AGFG1: variants seen among roughly 807,000 people sequenced by gnomAD.
AGFG1 encodes arf-GAP domain and FG repeat-containing protein 1.
A neutral mutation model predicts 60.6 loss-of-function variants in AGFG1; 10 were observed. The observed-to-expected ratio is 0.16, with a 90% CI of 0.10 to 0.28. The LOEUF (loss-of-function observed/expected upper bound fraction) is 0.28, where lower values mean the gene tolerates loss of function less well. Ranked by LOEUF, AGFG1 falls within the 10% of genes least tolerant of loss-of-function variation. AGFG1 has a pLI of 1.00. For synonymous variants in AGFG1, 247 were observed against 242.9 expected, an observed-to-expected ratio of 1.02 and a Z score of -0.16; for missense variants, 537 against 676.5, an observed-to-expected ratio of 0.79 and a Z score of 2.29.
intron 6 of AGFG1, among the ~76,000 whole-genome samples, chr2:227,533,113 C>T (rs183599704): frequency 1.5e-3 from 221 of 152,248 alleles, no homozygotes; most frequent in East Asian, 1.5e-3. Flanking sequence ...CATTGTTAAT[C>T]GCTACCCCTG....
chr2:227,517,315 G>A (rs1389540231), intron 2 of AGFG1, among the ~76,000 whole-genome samples: 2 of 152,206 alleles, frequency 1.3e-5, no homozygotes, highest in East Asian at 3.9e-4. Flanking sequence ...CATCAGGCTG[G>A]AGTGCAGTGG....
At chr2:227,528,169 A>G (rs190349215) in intron 5 of AGFG1, among the ~76,000 whole-genome samples, 1 of 152,342 alleles carries the variant, frequency 6.6e-6, no homozygotes, top group East Asian at 1.9e-4. Flanking sequence ...TGTTTTAAAT[A>G]TTAATAAAAA....
intron 2 of AGFG1, among the ~76,000 whole-genome samples, chr2:227,510,261 CAT>C (rs1241074812): frequency 1.3e-5 from 2 of 152,102 alleles, no homozygotes; most frequent in African/African-American, 4.8e-5. Context: ...CACACACACA[CAT>C]GCACACGCAC....
intron 10 of AGFG1, among the ~76,000 whole-genome samples, chr2:227,539,506 G>A (rs577990468): frequency 6.6e-6 from 1 of 150,714 alleles, no homozygotes; most frequent in Admixed American, 6.6e-5. Context: ...TTTGATCCTA[G>A]CACTTTGGGA....
Position 227,472,489 on chromosome 2 carries a change from T to G in AGFG1, c.68T>G (p.Leu23Arg). The change falls in exon 1 of 13, where the codon CTC (leucine) becomes CGC (arginine). Residue 23 changes from leucine (L) to arginine (R), a missense_variant. By Grantham distance (102) the Leu-to-Arg change is moderately radical. Coordinates refer to ENST00000310078, the MANE Select transcript of AGFG1 (RefSeq NM_004504.5). ...AAGATGCTGCGGGACATGACCGGCC[T>G]CCCGCACAACCGAAAGTGCTTCGAC... ...HLKMLRDMTG[L>R]PHNRKCFDCD... The G allele has an allele frequency of 6.3e-7, 1 of 1,580,178 alleles. No homozygotes were observed. The highest frequency in any genetic ancestry group is 8.6e-7 in the Non-Finnish European group (1 of 1,163,582).
At chr2:227,477,311 A>G (rs1454565099) in intron 1 of AGFG1, among the ~76,000 whole-genome samples, 1 of 152,232 alleles carries the variant, frequency 6.6e-6, no homozygotes, top group African/African-American at 2.4e-5. Flanking sequence ...TATTTATTGA[A>G]AAAAAAGAAA....
intron 10 of AGFG1, among the ~76,000 whole-genome samples, chr2:227,546,755 A>G (rs1047765873): frequency 2.6e-5 from 4 of 152,182 alleles, no homozygotes; most frequent in African/African-American, 9.7e-5. Context: ...CCTTAAATCT[A>G]ATTAATAGAG....
chr2:227,494,693 A>G (rs913588605), intron 2 of AGFG1, among the ~76,000 whole-genome samples: 2 of 152,224 alleles, frequency 1.3e-5, no homozygotes, highest in African/African-American at 4.8e-5. Flanking sequence ...ATGTTCCTCC[A>G]GACATTTATA....
chr2:227,488,535 T>A (rs1039968863), intron 1 of AGFG1, among the ~76,000 whole-genome samples: 3 of 152,150 alleles, frequency 2.0e-5, no homozygotes, highest in African/African-American at 7.2e-5. Context: ...GGTGGAAAGG[T>A]TAAGGCTTGT....
At chr2:227,472,661 C>T in intron 1 of AGFG1, 73 bp downstream of exon 1, 3 of 1,469,896 alleles carry the variant, frequency 2.0e-6, no homozygotes, top group South Asian at 1.3e-5. Flanking sequence ...GGACCGGGAC[C>T]CTTCCGGGGC....
rs148552132 is a variant in AGFG1 at position 227,521,129 on chromosome 2, G to A, written c.377+1066G>A. ...CACCTAGGCTGGAGTGCAATGGTGCGATCTCGGCTCACTGCAACCCCCGCC... is the reference window on the plus strand; with the variant it reads ...CACCTAGGCTGGAGTGCAATGGTGCAATCTCGGCTCACTGCAACCCCCGCC... On this transcript the variant is annotated intron_variant, in intron 3 of 12. Transcript: ENST00000310078. Among the ~76,000 whole-genome samples, 521 of 151,952 alleles carry A rather than the reference G, an allele frequency of 3.4e-3. 3 individuals carry two copies. Among genetic ancestry groups the A allele is most frequent in the African/African-American group, 0.012 (492 of 41,416 alleles).
chr2:227,484,326 T>C (rs899013485), intron 1 of AGFG1, among the ~76,000 whole-genome samples: 2 of 151,908 alleles, frequency 1.3e-5, no homozygotes, highest in African/African-American at 4.8e-5. Flanking sequence ...GTAGCTGGGA[T>C]TGAGGACTGC....
chr2:227,525,003 A>G, intron 5 of AGFG1, 88 bp downstream of exon 5: 1 of 1,486,106 alleles, frequency 6.7e-7, no homozygotes, highest in Non-Finnish European at 9.3e-7. Flanking sequence ...GAGGATCAGT[A>G]AACATTTTTT....
chr2:227,491,488 G>T, intron 1 of AGFG1, 59 bp from the exon 2 acceptor site: 1 of 1,047,684 alleles, frequency 9.5e-7, no homozygotes, highest in Non-Finnish European at 1.4e-6. Context: ...ATTACTAGAT[G>T]TGTCATTTTA....
chr2:227,506,382 GT>G (rs1434799435), intron 2 of AGFG1, among the ~76,000 whole-genome samples: 2 of 152,070 alleles, frequency 1.3e-5, no homozygotes, highest in African/African-American at 4.8e-5. Context: ...GGATATGCAA[GT>G]TTTGTGGTAC....
intron 5 of AGFG1, among the ~76,000 whole-genome samples, chr2:227,528,560 G>C (rs1488901774): frequency 2.6e-5 from 4 of 152,166 alleles, no homozygotes; most frequent in Admixed American, 6.5e-5. Flanking sequence ...TGTAATTTAT[G>C]AATATATTCT....
At chr2:227,534,001 T>C (rs1215885485) in intron 7 of AGFG1, among the ~76,000 whole-genome samples, 1 of 152,174 alleles carries the variant, frequency 6.6e-6, no homozygotes, top group East Asian at 1.9e-4. Context: ...AAAAATTTTA[T>C]TTTGTCCTAG....
In AGFG1 at chr2:227,512,001, T is replaced by C. The variant is rs749480500; in HGVS notation, c.262-7947T>C. Among the ~76,000 whole-genome samples the C allele has an allele frequency of 7.3e-4, 111 of 152,164 alleles. 1 individual carries two copies. Among genetic ancestry groups the C allele is most frequent in the South Asian group, 4.1e-4 (2 of 4,824 alleles). ...AGCCTAATAGGCTGTGATGAAGAAT[T>C]TGATTTTTACGTTAAGGAAGCTGTT... On this transcript the variant is annotated intron_variant, in intron 2 of 12. Coordinates refer to ENST00000310078, the MANE Select transcript of AGFG1 (RefSeq NM_004504.5).
At position 227,513,034 on chromosome 2, in the gene AGFG1, T is replaced by C. The variant is rs143850422; in HGVS notation, c.262-6914T>C. Among the ~76,000 whole-genome samples, 382 of 152,350 alleles carry C rather than the reference T, an allele frequency of 2.5e-3. 3 individuals are homozygous for C. The highest frequency in any genetic ancestry group is 8.6e-3 in the African/African-American group (356 of 41,580). ...CATGTGGTTTATTCTTTTTATCCTT[T>C]TTATGAAAATAAGGTTTTCTCCAAA... On this transcript the variant is annotated intron_variant, in intron 2 of 12. Transcript: ENST00000310078.
Sources: gnomAD v4.1 joint callset for allele counts (sites outside exome capture counted in the v4.1 genomes callset) on GRCh38, gnomAD v4.1.1 for gene constraint, MANE v1.5 for transcripts, NCBI Gene and HGNC (gene_info 2026-07-23, HGNC 2026-07-21) for gene names.